WDHD1: variants seen among roughly 807,000 people sequenced by gnomAD.
WDHD1 encodes the protein WD repeat and HMG-box DNA binding protein 1, also known as WD repeat and HMG-box DNA-binding protein 1.
Under a neutral mutation model 135.4 loss-of-function variants are expected in WDHD1, and 111 were observed. The ratio of observed to expected loss-of-function variants is 0.82; its 90% CI spans 0.70 to 0.96. The LOEUF (loss-of-function observed/expected upper bound fraction) is 0.96, where lower values mean the gene tolerates loss of function less well. WDHD1 is among the 40% of genes least tolerant of loss of function. The pLI is 0.00. For synonymous variants in WDHD1, 434 were observed against 439.0 expected (o/e 0.99, Z 0.14); for missense variants, 1,351 against 1,336.3 (o/e 1.01, Z -0.17).
intron 8 of WDHD1, 25 bp downstream of exon 8, chr14:55,002,068 G>GA (rs752535072): frequency 1.3e-6 from 2 of 1,534,100 alleles, no homozygotes; most frequent in African/African-American, 1.4e-5. Flanking sequence ...ATAGCCCACT[G>GA]AAAGTGTCAC....
At chr14:55,017,188 T>A (rs2042274597) in intron 2 of WDHD1, among the ~76,000 whole-genome samples, 1 of 152,116 alleles carries the variant, frequency 6.6e-6, no homozygotes, top group Middle Eastern at 3.2e-3. Context: ...GTAATACAAA[T>A]ACAAACTTTG....
intron 3 of WDHD1, among the ~76,000 whole-genome samples, chr14:55,010,880 C>T (rs959161025): frequency 1.3e-5 from 2 of 152,352 alleles, no homozygotes; most frequent in Middle Eastern, 6.8e-3. Context: ...AGACACATCA[C>T]ATGTCTTTTT....
chr14:54,996,367 G>T (rs1214472151), intron 10 of WDHD1, among the ~76,000 whole-genome samples: 1 of 152,116 alleles, frequency 6.6e-6, no homozygotes, highest in African/African-American at 2.4e-5. Flanking sequence ...CAGCACTTTG[G>T]GAAGCCGAAG....
At chr14:54,955,471 TAAGG>T (rs2041137038) in intron 24 of WDHD1, 86 bp downstream of exon 24, 2 of 1,291,614 alleles carry the variant, frequency 1.5e-6, no homozygotes, top group African/African-American at 3.1e-5. Context: ...TTATTTGTAT[TAAGG>T]AATAACAGCA....
chr14:54,957,452 C>A, intron 22 of WDHD1, 140 bp downstream of exon 22: 1 of 867,290 alleles, frequency 1.2e-6, no homozygotes, highest in South Asian at 2.0e-5. Context: ...ACTCTCAGCC[C>A]AAGTGCTGCT....
rs1167569839 is a variant in WDHD1, at chr14:54,944,436, T to C, written c.3085A>G (p.Asn1029Asp). 2 of 1,606,904 alleles carry C rather than the reference T, an allele frequency of 1.2e-6. No homozygotes were observed. The highest frequency in any genetic ancestry group is 1.7e-6 in the Non-Finnish European group (2 of 1,178,690). The change falls in exon 25 of 26, where the codon AAT becomes GAT. Residue 1029 changes from asparagine to aspartate, a missense_variant. This residue lies in a region of WDHD1 where 1,330 missense variants were observed against 1,296.1 expected (regional missense o/e 1.03). Transcript: ENST00000360586. Reference sequence around the variant, plus strand: ...TTGTCAGACAAAATATTACTTCTATTTTCTTCTAACCACATCTGGAACCCG... The same window carrying C: ...TTGTCAGACAAAATATTACTTCTATCTTCTTCTAACCACATCTGGAACCCG... ...KTGFQMWLEE[N>D]RSNILSDNPD...
chr14:54,962,798 C>T lies in WDHD1; in HGVS notation c.2587G>A (p.Glu863Lys). The T allele has an allele frequency of 6.2e-7, 1 of 1,613,630 alleles. No homozygotes were observed. The highest frequency in any genetic ancestry group is 8.5e-7 in the Non-Finnish European group (1 of 1,180,012). Residue 863 changes from glutamate (E) to lysine (K), a missense_variant, in exon 20 of 26, where the codon GAA (glutamate) becomes AAA (lysine). Glu to Lys is a moderately conservative substitution (Grantham distance 56). This residue lies in a region of WDHD1 where 1,330 missense variants were observed against 1,296.1 expected (regional missense o/e 1.03). Transcript: ENST00000360586. ...SQPRFRNQVE[E>K]DAEDSGEADD... ...GCTTCTCCACTGTCCTCAGCATCTTCTTCAACTTGATTTCTGAACCTTGGT... is the reference window on the plus strand; with the variant it reads ...GCTTCTCCACTGTCCTCAGCATCTTTTTCAACTTGATTTCTGAACCTTGGT...
At chr14:54,957,395 G>A (rs574079419) in intron 22 of WDHD1, among the ~76,000 whole-genome samples, 191 bp from the exon 23 acceptor site, 2 of 152,244 alleles carry the variant, frequency 1.3e-5, no homozygotes, top group East Asian at 3.9e-4. Flanking sequence ...GAAAGACAGA[G>A]GTATCTTTCA....
At chr14:55,021,026 G>A (rs1164209480) in intron 2 of WDHD1, among the ~76,000 whole-genome samples, 2 of 152,212 alleles carry the variant, frequency 1.3e-5, no homozygotes, top group Admixed American at 6.5e-5. Flanking sequence ...TACTGTCTCA[G>A]AGGTGGAAGA....
At chr14:55,007,934 A>T (rs1466992544) in intron 6 of WDHD1, among the ~76,000 whole-genome samples, 1 of 152,190 alleles carries the variant, frequency 6.6e-6, no homozygotes, top group African/African-American at 2.4e-5. Context: ...ATTAGGCTGC[A>T]TTTGAATAAA....
At chr14:55,025,067 ATAAAACCC>A (rs1459037260) in intron 2 of WDHD1, among the ~76,000 whole-genome samples, 3,090 of 90,324 alleles carry the variant, frequency 0.034, 186 homozygotes, top group African/African-American at 0.1. Flanking sequence ...ATGTCTCGGT[ATAAAACCC>A]GATTGTATGC....
At chr14:54,997,069 C>A (rs1034544446) in intron 10 of WDHD1, among the ~76,000 whole-genome samples, 2 of 134,354 alleles carry the variant, frequency 1.5e-5, no homozygotes, top group African/African-American at 5.5e-5. Context: ...GGATTACAGG[C>A]GTGAGCCACA....
At chr14:54,955,750 A>G (rs2041144261) in intron 23 of WDHD1, 56 bp from the exon 24 acceptor site, 1 of 1,336,570 alleles carries the variant, frequency 7.5e-7, no homozygotes. Context: ...TATATGTTTT[A>G]TAAGCACGTT....
intron 10 of WDHD1, among the ~76,000 whole-genome samples, chr14:54,997,892 C>CA: frequency 7.6e-6 from 1 of 130,948 alleles, no homozygotes; most frequent in East Asian, 2.4e-4. Context: ...GCTTGGGCAA[C>CA]AAGAGCGGAA....
intron 16 of WDHD1, among the ~76,000 whole-genome samples, chr14:54,976,255 G>C (rs963416918): frequency 6.6e-6 from 1 of 152,124 alleles, no homozygotes; most frequent in Non-Finnish European, 1.5e-5. Flanking sequence ...TTATTTTAGA[G>C]ACAAAGTCTC....
At chr14:54,996,747 A>G (rs569063560) in intron 10 of WDHD1, among the ~76,000 whole-genome samples, 1 of 152,304 alleles carries the variant, frequency 6.6e-6, no homozygotes, top group Admixed American at 6.5e-5. Context: ...TAATGAGAAC[A>G]CCATTAACAG....
chr14:54,971,186 T>G (rs1022568798), intron 16 of WDHD1, among the ~76,000 whole-genome samples: 1 of 152,180 alleles, frequency 6.6e-6, no homozygotes, highest in Non-Finnish European at 1.5e-5. Flanking sequence ...GGTAAATATT[T>G]CATGACTAAG....
At chr14:54,948,627 T>C (rs1472970113) in intron 24 of WDHD1, among the ~76,000 whole-genome samples, 1 of 152,210 alleles carries the variant, frequency 6.6e-6, no homozygotes. Context: ...TAAATGTCCC[T>C]GTCTGACAGC....
At chr14:55,010,583 A>G in intron 3 of WDHD1, 123 bp from the exon 4 acceptor site, 2 of 832,320 alleles carry the variant, frequency 2.4e-6, no homozygotes, top group Non-Finnish European at 3.3e-6. Context: ...ATCAAGAGAA[A>G]AATTATCACT....
Sources: allele counts gnomAD v4.1 joint callset (sites outside exome capture counted in the v4.1 genomes callset), GRCh38; gene constraint gnomAD v4.1.1; regional missense constraint gnomAD v4.1.1; transcripts MANE v1.5; gene names NCBI Gene and HGNC (gene_info 2026-07-23, HGNC 2026-07-21).